RGS13: variants seen among roughly 807,000 people sequenced by gnomAD.
RGS13 encodes regulator of G protein signaling 13, also known as regulator of G-protein signalling 13.
RGS13 carries 14 observed loss-of-function variants against 19.9 expected under a neutral mutation model. That is an observed-to-expected ratio of 0.70 (90% confidence interval 0.46 to 1.10). RGS13 has a LOEUF of 1.10. RGS13 is among the 50% of genes least tolerant of loss of function. RGS13 has a pLI of 0.00. For missense variants in RGS13, 205 were observed against 187.1 expected, an observed-to-expected ratio of 1.10 and a Z score of -0.56; for synonymous variants, 60 against 56.8, an observed-to-expected ratio of 1.06 and a Z score of -0.25.
At chr1:192,648,026 A>G in intron 5 of RGS13, 39 bp downstream of exon 5, 2 of 1,430,646 alleles carry the variant, frequency 1.4e-6, no homozygotes, top group Non-Finnish European at 1.9e-6. Context: ...ATAACTAGCG[A>G]GTTCCATTCT....
intron 4 of RGS13, 106 bp from the exon 5 acceptor site, chr1:192,647,820 T>C (rs1663248297): frequency 5.3e-6 from 3 of 561,558 alleles, no homozygotes; most frequent in Non-Finnish European, 9.1e-6. Context: ...ACAAATGGAA[T>C]GTAAATATAT....
At position 192,658,206 on chromosome 1, in the gene RGS13, C is replaced by T; in HGVS notation, c.133C>T (p.Pro45Ser). ...FENLMATKYG[P>S]VVYAAYLKME... ...GATTTCTCCTCTACTTTTAGATGGT[C>T]CAGTAGTCTATGCAGCATATTTAAA... Residue 45 changes from proline (P) to serine (S), a missense_variant, in exon 6 of 7, where the codon CCA becomes TCA. Coordinates refer to ENST00000391995, the MANE Select transcript of RGS13 (RefSeq NM_002927.5). 6.2e-7 allele frequency: 1 copy of T among 1,610,828 alleles called. No homozygotes were observed. The highest frequency in any genetic ancestry group is 8.5e-7 in the Non-Finnish European group (1 of 1,178,318).
chr1:192,649,386 T>C (rs1663296542), intron 5 of RGS13, among the ~76,000 whole-genome samples: 1 of 152,152 alleles, frequency 6.6e-6, no homozygotes, highest in Non-Finnish European at 1.5e-5. Context: ...ATCTCTTTCT[T>C]GGAGTTTCAT....
At chr1:192,659,269 C>T in intron 6 of RGS13, 69 bp from the exon 7 acceptor site, 1 of 1,162,328 alleles carries the variant, frequency 8.6e-7, no homozygotes, top group Non-Finnish European at 1.2e-6. Flanking sequence ...TAAATTAAAC[C>T]TTTCTACTAT....
At chr1:192,649,003 C>T (rs1014829163) in intron 5 of RGS13, among the ~76,000 whole-genome samples, 2 of 152,086 alleles carry the variant, frequency 1.3e-5, no homozygotes, top group African/African-American at 2.4e-5. Flanking sequence ...AGACACTTGG[C>T]TACTCCTGCT....
chr1:192,641,254 A>AAAAGAAAG (rs771323101), intron 3 of RGS13, among the ~76,000 whole-genome samples: 3,312 of 66,922 alleles, frequency 0.049, 83 homozygotes, highest in African/African-American at 0.055. Context: ...GAAAAGAAAG[A>AAAAGAAAG]AAAGAAAGAA....
intron 3 of RGS13, among the ~76,000 whole-genome samples, chr1:192,643,097 G>A (rs1663154838): frequency 6.6e-6 from 1 of 152,026 alleles, no homozygotes; most frequent in African/African-American, 2.4e-5. Flanking sequence ...CTGGGCTCAA[G>A]CAATCCTCCC....
At chr1:192,652,570 G>T (rs79030804) in intron 5 of RGS13, among the ~76,000 whole-genome samples, 3 of 151,658 alleles carry the variant, frequency 2.0e-5, no homozygotes, top group Non-Finnish European at 4.4e-5. Context: ...AAAAAACCTC[G>T]CCTAGAATAG....
chr1:192,654,489 G>A (rs950075545), intron 5 of RGS13, among the ~76,000 whole-genome samples: 34 of 151,972 alleles, frequency 2.2e-4, no homozygotes, highest in African/African-American at 6.8e-4. Context: ...CCACAACAGA[G>A]AATTTTAATA....
chr1:192,638,671 T>C (rs546515632), intron 3 of RGS13, among the ~76,000 whole-genome samples: 1 of 152,190 alleles, frequency 6.6e-6, no homozygotes, highest in Non-Finnish European at 1.5e-5. Context: ...TCCAGTTCCA[T>C]TTCCTAAAGG....
intron 3 of RGS13, among the ~76,000 whole-genome samples, chr1:192,641,990 C>T (rs1052146922): frequency 1.3e-5 from 2 of 152,138 alleles, no homozygotes; most frequent in African/African-American, 2.4e-5. Flanking sequence ...TCATCCCTCA[C>T]CTGAACTCCT....
chr1:192,641,751 G>T (rs1663126075), intron 3 of RGS13, among the ~76,000 whole-genome samples: 1 of 152,116 alleles, frequency 6.6e-6, no homozygotes, highest in South Asian at 2.1e-4. Context: ...GCTTTTTACA[G>T]TTCACACCGT....
At chr1:192,652,666 G>A (rs545169722) in intron 5 of RGS13, among the ~76,000 whole-genome samples, 7 of 151,908 alleles carry the variant, frequency 4.6e-5, no homozygotes, top group South Asian at 2.1e-4. Context: ...TAAACCTGTC[G>A]TCTTTAGTGC....
chr1:192,637,848 G>C (rs1441385932), intron 2 of RGS13, among the ~76,000 whole-genome samples, 188 bp downstream of exon 2: 1 of 151,996 alleles, frequency 6.6e-6, no homozygotes, highest in East Asian at 1.9e-4. Context: ...CCCTTGGTTG[G>C]ATTTAACTAA....
At position 192,659,403 on chromosome 1, in the gene RGS13, T is replaced by A. The variant is rs767705036; in HGVS notation, c.360T>A (p.Cys120Ter). 6.2e-7 allele frequency: 1 copy of A among 1,613,070 alleles called. No homozygotes were observed. The highest frequency in any genetic ancestry group is 8.5e-7 in the Non-Finnish European group (1 of 1,179,354). The change falls in exon 7 of 7, where the codon TGT (cysteine) becomes TGA (stop). Residue 120 changes from cysteine (C) to a stop codon, truncating the protein, a stop_gained. Transcript: ENST00000391995. LOFTEE classifies it high-confidence loss of function. ...IRNIQEPTET[C>*]FEEAQKIVYM... ...ACATTCAGGAACCCACTGAAACATGTTTTGAAGAAGCTCAGAAAATAGTCT... is the reference window on the plus strand; with the variant it reads ...ACATTCAGGAACCCACTGAAACATGATTTGAAGAAGCTCAGAAAATAGTCT...
At chr1:192,643,707 C>T (rs899077762) in intron 3 of RGS13, among the ~76,000 whole-genome samples, 9 of 152,088 alleles carry the variant, frequency 5.9e-5, no homozygotes, top group South Asian at 4.2e-4. Context: ...CCCAGCAGTT[C>T]GGAAAGCTGA....
Position 192,641,302 on chromosome 1 carries a change from GAAAGA to G in RGS13, c.-4-3021_-4-3017del, listed in dbSNP as rs1165179310. 4.3e-4 allele frequency among the ~76,000 whole-genome samples: 54 copies of G among 125,316 alleles called. 1 individual carries two copies. In the East Asian group the frequency reaches 9.5e-3, roughly 22 times the overall value. 82.2% of individuals were successfully genotyped at this position (125,316 alleles called of 152,430 possible). Reference sequence around the variant, plus strand: ...AGAAAGAAAGAAAGAAAGAAAGAAAGAAAGAAAAGAAAGAAAGGAGGGAGGGAGGA... The same window carrying G: ...AGAAAGAAAGAAAGAAAGAAAGAAAGAAAGAAAGAAAGGAGGGAGGGAGGA... On this transcript the variant is annotated intron_variant, in intron 3 of 6. Transcript: ENST00000391995.
intron 4 of RGS13, chr1:192,645,839 A>G (rs1663211135): frequency 6.6e-6 from 1 of 152,158 alleles, no homozygotes; most frequent in African/African-American, 2.4e-5. Flanking sequence ...ATCTCTCCCC[A>G]TAAATCTCAT....
chr1:192,642,343 A>G (rs1444250528), intron 3 of RGS13, among the ~76,000 whole-genome samples: 1 of 136,282 alleles, frequency 7.3e-6, no homozygotes, highest in Non-Finnish European at 1.6e-5. Flanking sequence ...TTTTTTTGAG[A>G]TAAGGTCTTT....
Sources: gnomAD v4.1 joint callset for allele counts (sites outside exome capture counted in the v4.1 genomes callset) on GRCh38, gnomAD v4.1.1 for gene constraint, MANE v1.5 for transcripts, NCBI Gene and HGNC (gene_info 2026-07-23, HGNC 2026-07-21) for gene names.